The following MOSPD2 variants were observed in gnomAD, a reference collection of about 807,000 sequenced individuals.
MOSPD2 encodes motile sperm domain-containing protein 2.
MOSPD2 carries 5 observed loss-of-function variants against 41.7 expected under a neutral mutation model. The observed-to-expected ratio is 0.12, with a 90% confidence interval of 0.06 to 0.25. MOSPD2 has a LOEUF of 0.25. MOSPD2 is among the 10% of genes least tolerant of loss of function. MOSPD2 has a pLI of 1.00. For synonymous variants in MOSPD2, 115 were observed against 126.9 expected, an observed-to-expected ratio of 0.91 and a Z score of 0.63; for missense variants, 282 against 375.2, an observed-to-expected ratio of 0.75 and a Z score of 2.05.
intron 6 of MOSPD2, among the ~76,000 whole-genome samples, chrX:14,902,308 A>G (rs1602033552): frequency 9.0e-6 from 1 of 111,565 alleles, no homozygotes; most frequent in East Asian, 2.8e-4. Flanking sequence ...AATCTCAAAA[A>G]TCTTCTTTGC....
At chrX:14,881,718 T>A (rs1213676345) in intron 2 of MOSPD2, among the ~76,000 whole-genome samples, 1 of 112,271 alleles carries the variant, frequency 8.9e-6, no homozygotes, top group African/African-American at 3.2e-5. Flanking sequence ...TTCTACTCCA[T>A]CATTAACATT....
intron 2 of MOSPD2, among the ~76,000 whole-genome samples, chrX:14,889,128 G>T (rs910694814): frequency 4.5e-5 from 5 of 111,178 alleles, no homozygotes. Flanking sequence ...GGACACTGCC[G>T]CATGAAGCCT....
chrX:14,883,186 T>A (rs2092535023), intron 2 of MOSPD2, among the ~76,000 whole-genome samples: 1 of 109,310 alleles, frequency 9.1e-6, no homozygotes, highest in African/African-American at 3.3e-5. Flanking sequence ...AGAGTGAGAC[T>A]CCATCTCGAA....
At chrX:14,905,415 A>C (rs1462540399) in intron 7 of MOSPD2, among the ~76,000 whole-genome samples, 1 of 111,195 alleles carries the variant, frequency 9.0e-6, no homozygotes, top group Admixed American at 9.6e-5. Flanking sequence ...ACAGACTCCA[A>C]AATCCTTGGA....
chrX:14,915,682 T>C lies in MOSPD2; in HGVS notation c.1104T>C (p.Ala368=). The part of the protein sequence containing the change: ...NIVAFKVRTT[A]PEKYRVKPSN... ...TTTATAAATAGGTGAGAACAACAGC[T>C]CCAGAAAAATACAGAGTCAAGCCAA... is the stretch of plus-strand genomic sequence containing the variant. Residue 368 remains alanine, a synonymous_variant, in exon 12 of 15, where the codon GCT becomes GCC. Coordinates refer to ENST00000380492, the MANE Select transcript of MOSPD2 (RefSeq NM_152581.4). 1 of 1,208,203 alleles carries C rather than the reference T, an allele frequency of 8.3e-7. No individual in the cohort carries two copies. The highest frequency in any genetic ancestry group is 1.1e-6 in the Non-Finnish European group (1 of 893,150).
chrX:14,921,052 A>T lies in MOSPD2; in HGVS notation c.*1243A>T. The stretch of plus-strand genomic sequence containing the variant: ...TATTCCTAAAATCCTAAAAAGATAC[A>T]CCTTGCAGTAGCAGAGGCAATGACA... On this transcript the variant is annotated 3_prime_UTR_variant, in exon 15 of 15. Coordinates refer to ENST00000380492, the MANE Select transcript of MOSPD2 (RefSeq NM_152581.4). The T allele has an allele frequency of 5.2e-6, 4 of 775,094 alleles. No individual in the cohort carries two copies. Among genetic ancestry groups the T allele is most frequent in the Non-Finnish European group, 6.1e-6 (4 of 653,316 alleles). 63.9% of individuals were successfully genotyped at this position (775,094 alleles called of 1,213,427 possible). A position where few individuals can be genotyped will look rare whatever the true frequency, so the allele number is the denominator to read the frequency against.
intron 2 of MOSPD2, among the ~76,000 whole-genome samples, chrX:14,887,700 A>T (rs779833004): frequency 9.1e-6 from 1 of 110,363 alleles, no homozygotes; most frequent in South Asian, 3.7e-4. Context: ...TACAATTTTT[A>T]AAAAATTTTA....
intron 7 of MOSPD2, 131 bp from the exon 8 acceptor site, chrX:14,908,729 C>A: frequency 3.7e-6 from 2 of 533,350 alleles, no homozygotes; most frequent in Non-Finnish European, 5.6e-6. Flanking sequence ...TAATTAAGTA[C>A]ATCACGTAAA....
chrX:14,888,676 A>G (rs892550087), intron 2 of MOSPD2, among the ~76,000 whole-genome samples: 8 of 111,324 alleles, frequency 7.2e-5, no homozygotes, highest in Non-Finnish European at 1.3e-4. Context: ...CTGTCCCTCT[A>G]TAGAACCCTG....
chrX:14,889,570 G>A lies in MOSPD2; in HGVS notation c.80-3153G>A, dbSNP rs929552442. Reference sequence around the variant, plus strand: ...CTCCTCTGTCCCATTGTCCTCTGTCGTCTTCTGCCTCTACTTTTCTCCTGC... The same window carrying A: ...CTCCTCTGTCCCATTGTCCTCTGTCATCTTCTGCCTCTACTTTTCTCCTGC... On this transcript the variant is annotated intron_variant, in intron 2 of 14. Coordinates refer to ENST00000380492, the MANE Select transcript of MOSPD2 (RefSeq NM_152581.4). 6.0e-5 allele frequency among the ~76,000 whole-genome samples: 6 copies of A among 99,263 alleles called. No homozygotes were observed. In the East Asian group the frequency reaches 9.3e-4, roughly 15 times the overall value. 86.2% of individuals were successfully genotyped at this position (99,263 alleles called of 115,157 possible).
intron 8 of MOSPD2, among the ~76,000 whole-genome samples, chrX:14,909,619 A>G (rs2092588102): frequency 9.0e-6 from 1 of 111,507 alleles, no homozygotes; most frequent in Non-Finnish European, 1.9e-5. Context: ...TTTTGAGCTG[A>G]TTTTTACTAC....
chrX:14,878,453 T>C (rs2092525361), intron 2 of MOSPD2, among the ~76,000 whole-genome samples: 1 of 111,933 alleles, frequency 8.9e-6, no homozygotes, highest in South Asian at 3.6e-4. Context: ...TTTTCATGCA[T>C]TTACATCCAT....
chrX:14,879,015 A>G (rs1290681789), intron 2 of MOSPD2, among the ~76,000 whole-genome samples: 1 of 111,922 alleles, frequency 8.9e-6, no homozygotes, highest in Non-Finnish European at 1.9e-5. Context: ...TTTGCAACCT[A>G]TGACATATTC....
intron 5 of MOSPD2, among the ~76,000 whole-genome samples, chrX:14,898,484 A>G (rs749728321): frequency 8.1e-5 from 9 of 111,583 alleles, no homozygotes; most frequent in Admixed American, 5.7e-4. Flanking sequence ...TCATGTTTCT[A>G]TTTCTCTTTT....
In MOSPD2 at chrX:14,920,896, CACAG is replaced by C. The variant is rs1220138197; in HGVS notation, c.*1090_*1093del. ...GAAAACAAAAAAAAATAAAAAGAAA[CACAG>C]ACGCCCAGGTGTCAGCTCTCCGTTT... is the stretch of plus-strand genomic sequence containing the variant. On this transcript the variant is annotated 3_prime_UTR_variant, in exon 15 of 15. Transcript: ENST00000380492. 1.3e-6 allele frequency: 1 copy of C among 751,492 alleles called. No individual in the cohort carries two copies. The highest frequency in any genetic ancestry group is 2.3e-5 in the African/African-American group (1 of 42,955). The allele number at this position is 751,492 out of a possible 1,213,427, so 61.9% of individuals were successfully genotyped here.
rs957765912 is a variant in MOSPD2 at position 14,892,643 on chromosome X, T to G, written c.80-80T>G. ...TAGCTTAACTTTGTCTTGGAAGTCT[T>G]TCTTCTCCTTTGCCATTAGTGGTTA... On this transcript the variant is annotated intron_variant, in intron 2 of 14. Coordinates refer to ENST00000380492, the MANE Select transcript of MOSPD2 (RefSeq NM_152581.4). 6.5e-6 allele frequency: 5 copies of G among 769,739 alleles called. No homozygotes were observed. The African/African-American group carries it at 8.4e-5, about 13-fold the overall frequency. The allele number at this position is 769,739 out of a possible 1,213,427, so 63.4% of individuals were successfully genotyped here.
chrX:14,920,083 T>C lies in MOSPD2; in HGVS notation c.*274T>C. On this transcript the variant is annotated 3_prime_UTR_variant, in exon 15 of 15. Transcript: ENST00000380492. Reference sequence around the variant, plus strand: ...ATTAATAGTTTAAATATAATTTATTTTTTCCTTTTGATCTGAATACTTTTA... The same window carrying C: ...ATTAATAGTTTAAATATAATTTATTCTTTCCTTTTGATCTGAATACTTTTA... The C allele has an allele frequency of 1.3e-6, 1 of 756,035 alleles. No homozygotes were observed. Among genetic ancestry groups the C allele is most frequent in the South Asian group, 7.0e-5 (1 of 14,330 alleles). 62.3% of individuals were successfully genotyped at this position (756,035 alleles called of 1,213,427 possible). A position where few individuals can be genotyped will look rare whatever the true frequency, so the allele number is the denominator to read the frequency against.
chrX:14,905,395 C>T (rs745884618), intron 7 of MOSPD2, among the ~76,000 whole-genome samples: 1 of 111,406 alleles, frequency 9.0e-6, no homozygotes, highest in Non-Finnish European at 1.9e-5. Flanking sequence ...ACCCCTCCCC[C>T]ACCACCACCA....
chrX:14,915,909 A>T, intron 12 of MOSPD2, 145 bp downstream of exon 12: 1 of 592,802 alleles, frequency 1.7e-6, no homozygotes, highest in Admixed American at 3.7e-5. Flanking sequence ...CGCTGTAGAC[A>T]TCTTTTTTCC....
Sources: allele counts gnomAD v4.1 joint callset (sites outside exome capture counted in the v4.1 genomes callset), GRCh38; gene constraint gnomAD v4.1.1; transcripts MANE v1.5; gene names NCBI Gene and HGNC (gene_info 2026-07-23, HGNC 2026-07-21).